IGF2BP3: variants seen among roughly 807,000 people sequenced by gnomAD.
IGF2BP3 encodes the protein insulin like growth factor 2 mRNA binding protein 3, also known as insulin-like growth factor 2 mRNA-binding protein 3.
IGF2BP3 carries 9 observed loss-of-function variants against 73.8 expected under a neutral mutation model. The observed-to-expected ratio is 0.12, with a 90% CI of 0.07 to 0.21. The LOEUF (loss-of-function observed/expected upper bound fraction) is 0.21. Among genes scored for constraint, IGF2BP3 ranks in the 10% least tolerant of loss-of-function variants. The pLI, the probability that IGF2BP3 is intolerant of heterozygous loss-of-function variation, is 1.00. For missense variants in IGF2BP3, 542 were observed against 714.0 expected, an observed-to-expected ratio of 0.76 and a Z score of 2.75; for synonymous variants, 258 against 256.7, an observed-to-expected ratio of 1.01 and a Z score of -0.05.
chr7:23,333,244 C>T (rs1784486506), intron 10 of IGF2BP3, among the ~76,000 whole-genome samples: 1 of 152,184 alleles, frequency 6.6e-6, no homozygotes, highest in Admixed American at 6.5e-5. Context: ...AAGTTAGTTG[C>T]ATGATTTCCC....
At chr7:23,443,188 C>T (rs746288302) in intron 2 of IGF2BP3, among the ~76,000 whole-genome samples, 4 of 136,640 alleles carry the variant, frequency 2.9e-5, no homozygotes, top group Admixed American at 8.4e-5. Context: ...TGCAGTGGTG[C>T]GATCTCGGCT....
At chr7:23,342,647 T>C (rs1006042181) in intron 9 of IGF2BP3, among the ~76,000 whole-genome samples, 2 of 152,166 alleles carry the variant, frequency 1.3e-5, no homozygotes, top group African/African-American at 4.8e-5. Context: ...GGCCTCAAAG[T>C]TGAGCCCTCT....
At chr7:23,338,082 A>G (rs148089448) in intron 10 of IGF2BP3, among the ~76,000 whole-genome samples, 161 of 152,266 alleles carry the variant, frequency 1.1e-3, no homozygotes, top group African/African-American at 3.7e-3. Context: ...AGTATGCCAA[A>G]ATAGAGTTAG....
At chr7:23,428,486 AT>A (rs1266290506) in intron 2 of IGF2BP3, among the ~76,000 whole-genome samples, 2 of 150,738 alleles carry the variant, frequency 1.3e-5, no homozygotes, top group Non-Finnish European at 3.0e-5. Context: ...AAAGAAAAAA[AT>A]ATTATTGGCT....
At chr7:23,403,891 G>C (rs1484016773) in intron 3 of IGF2BP3, among the ~76,000 whole-genome samples, 1 of 152,066 alleles carries the variant, frequency 6.6e-6, no homozygotes, top group Middle Eastern at 3.2e-3. Flanking sequence ...GGGAGGTCAA[G>C]GGAGGAGGAT....
intron 10 of IGF2BP3, among the ~76,000 whole-genome samples, chr7:23,327,072 A>T (rs199651): frequency 0.55 from 81,525 of 148,368 alleles, 23,080 homozygotes; most frequent in East Asian, 0.88. Flanking sequence ...TATAATAAAT[A>T]AATTAATTAA....
chr7:23,363,262 G>A (rs1785278128), intron 3 of IGF2BP3, among the ~76,000 whole-genome samples: 1 of 151,838 alleles, frequency 6.6e-6, no homozygotes, highest in Non-Finnish European at 1.5e-5. Context: ...TCTGTTTTTA[G>A]TTTTGGGACA....
chr7:23,426,597 CTT>C (rs1399517441), intron 2 of IGF2BP3, among the ~76,000 whole-genome samples: 1 of 152,172 alleles, frequency 6.6e-6, no homozygotes, highest in Non-Finnish European at 1.5e-5. Context: ...TGTCATTTGT[CTT>C]TGAGTTTCTC....
At chr7:23,432,332 T>G (rs1039796019) in intron 2 of IGF2BP3, among the ~76,000 whole-genome samples, 4 of 152,212 alleles carry the variant, frequency 2.6e-5, no homozygotes, top group Non-Finnish European at 5.9e-5. Flanking sequence ...TTTTAGAAGA[T>G]TAAATGTTCC....
intron 3 of IGF2BP3, among the ~76,000 whole-genome samples, chr7:23,400,122 T>C (rs1786611640): frequency 6.6e-6 from 1 of 152,226 alleles, no homozygotes; most frequent in Non-Finnish European, 1.5e-5. Context: ...GAAACATTTG[T>C]GTTTCCAATA....
At chr7:23,358,164 A>G (rs1266533792) in intron 5 of IGF2BP3, among the ~76,000 whole-genome samples, 1 of 152,270 alleles carries the variant, frequency 6.6e-6, no homozygotes, top group East Asian at 1.9e-4. Flanking sequence ...GGGCTGAACC[A>G]TAACAGATTA....
chr7:23,359,464 C>T (rs1785171933), intron 5 of IGF2BP3, among the ~76,000 whole-genome samples: 1 of 152,194 alleles, frequency 6.6e-6, no homozygotes. Flanking sequence ...AGGTCTCTGA[C>T]AATCTCCAAA....
chr7:23,457,927 T>C (rs1788359463), intron 2 of IGF2BP3, among the ~76,000 whole-genome samples: 1 of 152,228 alleles, frequency 6.6e-6, no homozygotes, highest in African/African-American at 2.4e-5. Flanking sequence ...TACATGCTCA[T>C]TGTAAATTAA....
intron 8 of IGF2BP3, among the ~76,000 whole-genome samples, chr7:23,344,568 C>T (rs900836086): frequency 1.3e-5 from 2 of 152,232 alleles, no homozygotes; most frequent in African/African-American, 4.8e-5. Context: ...CACTGAATAT[C>T]ATACCTGAAA....
chr7:23,441,789 C>T (rs1787942531), intron 2 of IGF2BP3, among the ~76,000 whole-genome samples: 1 of 152,002 alleles, frequency 6.6e-6, no homozygotes. Context: ...TTGTATCATT[C>T]ACATAAATCT....
intron 2 of IGF2BP3, among the ~76,000 whole-genome samples, chr7:23,443,102 ATTTTTTTT>A (rs34674050): frequency 2.9e-4 from 25 of 85,844 alleles, no homozygotes; most frequent in Middle Eastern, 8.2e-3. Context: ...CATTACAGTG[ATTTTTTTT>A]TTTTTTTTTT....
At chr7:23,452,879 C>T (rs1308974192) in intron 2 of IGF2BP3, among the ~76,000 whole-genome samples, 2 of 149,610 alleles carry the variant, frequency 1.3e-5, no homozygotes, top group South Asian at 2.1e-4. Flanking sequence ...TTTGGGAGGC[C>T]GAGGCAGGCA....
chr7:23,441,593 AAAAAAAAAAAAG>A (rs1455668621), intron 2 of IGF2BP3, among the ~76,000 whole-genome samples: 4 of 132,790 alleles, frequency 3.0e-5, no homozygotes, highest in Non-Finnish European at 3.4e-5. Context: ...AAAAAAAAAA[AAAAAAAAAAAAG>A]ACACATATGT....
chr7:23,421,069 G>GCT (rs1787330672), intron 2 of IGF2BP3, among the ~76,000 whole-genome samples: 1 of 152,182 alleles, frequency 6.6e-6, no homozygotes, highest in Non-Finnish European at 1.5e-5. Flanking sequence ...GAACTCAGTG[G>GCT]CACAATCTCA....
Sources: gnomAD v4.1 joint callset for allele counts (sites outside exome capture counted in the v4.1 genomes callset) on GRCh38, gnomAD v4.1.1 for gene constraint, MANE v1.5 for transcripts, NCBI Gene and HGNC (gene_info 2026-07-23, HGNC 2026-07-21) for gene names.